Variants in CLNK observed in about 807,000 individuals in gnomAD.
CLNK encodes cytokine dependent hematopoietic cell linker, also known as cytokine-dependent hematopoietic cell linker.
A neutral mutation model predicts 68.6 loss-of-function variants in CLNK; 74 were observed. The observed-to-expected ratio is 1.08, with a 90% CI of 0.89 to 1.31. The LOEUF is 1.31. CLNK is among the 50% of genes most tolerant of loss of function. The pLI is 0.00. For synonymous variants in CLNK, 198 were observed against 172.2 expected (o/e 1.15, Z -1.17); for missense variants, 553 against 515.3 (o/e 1.07, Z -0.71).
rs16869861 is a variant in CLNK at position 10,561,866 on chromosome 4, G to C, written c.399+2805C>G. 2.3e-3 allele frequency among the ~76,000 whole-genome samples: 343 copies of C among 152,240 alleles called. 9 individuals are homozygous for C. In the East Asian group the frequency reaches 0.06, roughly 26 times the overall value. On this transcript the variant is annotated intron_variant, in intron 7 of 18. Transcript: ENST00000226951. Reference sequence around the variant, plus strand: ...CTCGGTCTCTTTCCCTACTAAACAGGTATTTATTTTTAAAGCTTGAGTTCA... The same window carrying C: ...CTCGGTCTCTTTCCCTACTAAACAGCTATTTATTTTTAAAGCTTGAGTTCA...
At chr4:10,545,958 A>G (rs1719213111) in intron 8 of CLNK, among the ~76,000 whole-genome samples, 2 of 152,190 alleles carry the variant, frequency 1.3e-5, no homozygotes, top group Non-Finnish European at 2.9e-5. Context: ...GTCCCAGGGT[A>G]GCTGTGGGCA....
rs1720398771 is a variant in CLNK at position 10,572,732 on chromosome 4, G to A, written c.113-954C>T. Among the ~76,000 whole-genome samples the A allele has an allele frequency of 2.6e-5, 4 of 152,252 alleles. No individual in the cohort carries two copies. The South Asian group carries it at 8.3e-4, about 32-fold the overall frequency. The stretch of plus-strand genomic sequence containing the variant: ...GCCAAGAAATTCAGGATAAATTTCT[G>A]AATTTCATCTAAGTATTGTGGAGGA... On this transcript the variant is annotated intron_variant, in intron 4 of 18. Transcript: ENST00000226951.
At chr4:10,684,008 T>A (rs1344783323) in intron 1 of CLNK, among the ~76,000 whole-genome samples, 2 of 152,242 alleles carry the variant, frequency 1.3e-5, no homozygotes, top group Admixed American at 1.3e-4. Context: ...AGTATCCATA[T>A]TTTGATGATA....
chr4:10,669,696 C>T (rs902564298), intron 1 of CLNK, among the ~76,000 whole-genome samples: 5 of 152,178 alleles, frequency 3.3e-5, no homozygotes, highest in African/African-American at 1.2e-4. Context: ...TACTAAAGAA[C>T]TTGAACCAAG....
At chr4:10,535,263 G>GAAAGAAAGAAAGAAAGAAAGA (rs1225148465) in intron 11 of CLNK, among the ~76,000 whole-genome samples, 7 of 144,816 alleles carry the variant, frequency 4.8e-5, no homozygotes, top group African/African-American at 1.8e-4. Context: ...AAGAAAGAAA[G>GAAAGAAAGAAAGAAAGAAAGA]AAAAAATGGA....
intron 17 of CLNK, among the ~76,000 whole-genome samples, 180 bp downstream of exon 17, chr4:10,507,779 G>A (rs1384312503): frequency 1.3e-5 from 2 of 152,140 alleles, no homozygotes; most frequent in East Asian, 1.9e-4. Context: ...ACTGCGCCCG[G>A]CCTGAAACTC....
rs955421452 is a variant in CLNK, at chr4:10,553,935, T to C, written c.445+4472A>G. Among the ~76,000 whole-genome samples the C allele has an allele frequency of 4.6e-5, 7 of 152,272 alleles. No homozygotes were observed. The East Asian group carries it at 1.3e-3, about 29-fold the overall frequency. ...GTAAAGAGCTGGGGCTGCTTAAAGG[T>C]AGGGTGTGCTTCCTGGGAAGGTGGT... On this transcript the variant is annotated intron_variant, in intron 8 of 18. Coordinates refer to ENST00000226951, the MANE Select transcript of CLNK (RefSeq NM_052964.4).
chr4:10,675,229 G>A (rs1180132383), intron 1 of CLNK, among the ~76,000 whole-genome samples: 1 of 152,146 alleles, frequency 6.6e-6, no homozygotes, highest in Non-Finnish European at 1.5e-5. Context: ...ACAGGGTTCT[G>A]CAGATGAAAG....
the CLNK span, among the ~76,000 whole-genome samples, chr4:10,701,683 C>T: frequency 4.6e-5 from 7 of 152,230 alleles, no homozygotes; most frequent in Non-Finnish European, 8.8e-5. Flanking sequence ...TTTATTAGCT[C>T]ATTTGATCCT....
At position 10,669,781 on chromosome 4, in the gene CLNK, T is replaced by C. The variant is rs369658533; in HGVS notation, c.-42-1870A>G. Among the ~76,000 whole-genome samples, 9 of 152,222 alleles carry C rather than the reference T, an allele frequency of 5.9e-5. No homozygotes were observed. The East Asian group carries it at 1.5e-3, about 26-fold the overall frequency. On this transcript the variant is annotated intron_variant, in intron 1 of 18. Transcript: ENST00000226951. ...GCCTCATCCCCTCGTCTTATGCTTG[T>C]AGGTCAATATTGACAGCAGGGAAAG... is the stretch of plus-strand genomic sequence containing the variant.
intron 2 of CLNK, among the ~76,000 whole-genome samples, chr4:10,657,423 C>T (rs1211982856): frequency 6.6e-6 from 1 of 152,144 alleles, no homozygotes; most frequent in Admixed American, 6.5e-5. Flanking sequence ...TTTTATTGTT[C>T]TTTATGCCTT....
chr4:10,685,496 G>T (rs1577221001), upstream of CLNK, among the ~76,000 whole-genome samples: 1 of 151,922 alleles, frequency 6.6e-6, no homozygotes, highest in Non-Finnish European at 1.5e-5. Flanking sequence ...ATTTTCTTTC[G>T]GCCTTAATCT....
chr4:10,616,833 T>C (rs1432799756), intron 2 of CLNK, among the ~76,000 whole-genome samples: 1 of 147,002 alleles, frequency 6.8e-6, no homozygotes, highest in Admixed American at 6.9e-5. Context: ...TACACGCATT[T>C]TTTTTTCTAG....
At chr4:10,671,273 C>T (rs1045266912) in intron 1 of CLNK, among the ~76,000 whole-genome samples, 5 of 152,008 alleles carry the variant, frequency 3.3e-5, no homozygotes, top group African/African-American at 1.2e-4. Flanking sequence ...ATAATCCCAG[C>T]TACTAGGGAG....
chr4:10,731,507 A>G, the CLNK span, among the ~76,000 whole-genome samples: 1 of 152,206 alleles, frequency 6.6e-6, no homozygotes, highest in Non-Finnish European at 1.5e-5. Context: ...TATGAATGTT[A>G]CTTCAAAGAA....
intron 10 of CLNK, 90 bp from the exon 11 acceptor site, chr4:10,540,694 TC>T: frequency 2.3e-6 from 2 of 864,098 alleles, no homozygotes; most frequent in Non-Finnish European, 3.8e-6. Context: ...GCCCTCCGTG[TC>T]CCCAGCTTTG....
intron 18 of CLNK, 131 bp from the exon 19 acceptor site, chr4:10,490,744 T>G (rs907325649): frequency 2.8e-6 from 2 of 709,816 alleles, no homozygotes; most frequent in Non-Finnish European, 4.5e-6. Context: ...ATGGTAAAGG[T>G]GTTTCAGGAA....
intron 4 of CLNK, among the ~76,000 whole-genome samples, chr4:10,574,681 A>C (rs1244729517): frequency 6.6e-6 from 1 of 152,186 alleles, no homozygotes; most frequent in Non-Finnish European, 1.5e-5. Flanking sequence ...CCTCCAAAGA[A>C]AGAAGTAAAA....
At chr4:10,669,285 C>T (rs2108894650) in intron 1 of CLNK, among the ~76,000 whole-genome samples, 1 of 152,296 alleles carries the variant, frequency 6.6e-6, no homozygotes, top group South Asian at 2.1e-4. Flanking sequence ...GACATCCCTC[C>T]TCTTATTAAA....
Sources: allele counts gnomAD v4.1 joint callset (sites outside exome capture counted in the v4.1 genomes callset), GRCh38; gene constraint gnomAD v4.1.1; transcripts MANE v1.5; gene names NCBI Gene and HGNC (gene_info 2026-07-23, HGNC 2026-07-21).